RAB5B: variants seen among roughly 807,000 people sequenced by gnomAD.
The protein encoded by RAB5B is RAB5B, member RAS oncogene family, also known as ras-related protein Rab-5B.
RAB5B carries 11 observed loss-of-function variants against 28.6 expected under a neutral mutation model. The ratio of observed to expected loss-of-function variants is 0.38; its 90% CI spans 0.24 to 0.64. The LOEUF (loss-of-function observed/expected upper bound fraction) is 0.64. RAB5B is among the 30% of genes least tolerant of loss of function. RAB5B has a pLI of 0.53. For synonymous variants in RAB5B, 93 were observed against 97.9 expected (o/e 0.95, Z 0.29); for missense variants, 169 against 265.6 (o/e 0.64, Z 2.53).
chr12:55,980,881 A>G, intron 1 of RAB5B: 1 of 1,611,834 alleles, frequency 6.2e-7, no homozygotes. Flanking sequence ...TCCCCTCTAT[A>G]TCCACAGTGC....
chr12:55,975,526 A>T (rs1889620600), intron 1 of RAB5B, among the ~76,000 whole-genome samples: 1 of 151,792 alleles, frequency 6.6e-6, no homozygotes, highest in African/African-American at 2.4e-5. Flanking sequence ...AGACAGGAGG[A>T]TCACTTGAGC....
chr12:55,989,140 C>T (rs969338927), intron 2 of RAB5B, among the ~76,000 whole-genome samples: 3 of 151,584 alleles, frequency 2.0e-5, no homozygotes, highest in Non-Finnish European at 2.9e-5. Flanking sequence ...CGGGGTTTCA[C>T]TATGTTGGCC....
intron 1 of RAB5B, chr12:55,979,468 G>T (rs1889738809): frequency 6.6e-6 from 1 of 152,130 alleles, no homozygotes; most frequent in African/African-American, 2.4e-5. Context: ...TGGAGAGGGA[G>T]ATGAAGGTAT....
In RAB5B at chr12:55,993,587, A is replaced by G. The variant is rs1890200979; in HGVS notation, c.*1375A>G. 1 of 152,588 alleles carries G rather than the reference A, an allele frequency of 6.6e-6. No homozygotes were observed. The highest frequency in any genetic ancestry group is 2.4e-5 in the African/African-American group (1 of 41,430). 9.5% of individuals were successfully genotyped at this position (152,588 alleles called of 1,614,324 possible). On this transcript the variant is annotated 3_prime_UTR_variant, in exon 6 of 6. Coordinates refer to ENST00000360299, the MANE Select transcript of RAB5B (RefSeq NM_002868.4). ...CTTTTCTACTTCCTTGTAAATAGGTATGATCTTTATTCCCACTGTACAGTC... is the reference window on the plus strand; with the variant it reads ...CTTTTCTACTTCCTTGTAAATAGGTGTGATCTTTATTCCCACTGTACAGTC...
At position 55,975,723 on chromosome 12, in the gene RAB5B, T is replaced by C. The variant is rs559004356; in HGVS notation, c.-93+1584T>C. Among the ~76,000 whole-genome samples, 12 of 152,154 alleles carry C rather than the reference T, an allele frequency of 7.9e-5. No individual in the cohort carries two copies. In the South Asian group the frequency reaches 2.3e-3, roughly 29 times the overall value. The stretch of plus-strand genomic sequence containing the variant: ...TTAGTCCCTCATAGATTGGAGCCTA[T>C]TGGATTTTCCCTTACTGTACTTCCT... On this transcript the variant is annotated intron_variant, in intron 1 of 5. Coordinates refer to ENST00000360299, the MANE Select transcript of RAB5B (RefSeq NM_002868.4).
intron 1 of RAB5B, among the ~76,000 whole-genome samples, chr12:55,975,652 T>A (rs912441589): frequency 6.6e-6 from 1 of 151,246 alleles, no homozygotes; most frequent in Non-Finnish European, 1.5e-5. Flanking sequence ...AGCAGAGGAG[T>A]GGAGTACCCT....
At chr12:55,985,618 T>G (rs1340620852) in intron 1 of RAB5B, 1 of 444,378 alleles carries the variant, frequency 2.3e-6, no homozygotes, top group African/African-American at 2.0e-5. Flanking sequence ...TTAGCCCTCT[T>G]AGAAGATAGA....
rs1890304637 is a variant in RAB5B at position 55,996,256 on chromosome 12, CT to C, written c.*4046del. ...ATCTTTCAAAATTAAAGGTGAACAC[CT>C]TCACTTAAACTGATTAAAATTGCAG... On this transcript the variant is annotated 3_prime_UTR_variant, in exon 6 of 6. Coordinates refer to ENST00000360299, the MANE Select transcript of RAB5B (RefSeq NM_002868.4). The C allele has an allele frequency of 6.6e-6, 1 of 151,850 alleles. No individual in the cohort carries two copies. Among genetic ancestry groups the C allele is most frequent in the Admixed American group, 6.6e-5 (1 of 15,224 alleles). The allele number at this position is 151,850 out of a possible 1,614,324, so 9.4% of individuals were successfully genotyped here.
chr12:55,992,012 T>G, intron 5 of RAB5B, 85 bp from the exon 6 acceptor site: 1 of 945,508 alleles, frequency 1.1e-6, no homozygotes, highest in East Asian at 2.5e-5. Context: ...TTTCCCCAAT[T>G]CAGTAGCCGT....
chr12:55,983,338 C>T (rs1889861638), intron 1 of RAB5B, among the ~76,000 whole-genome samples: 1 of 152,068 alleles, frequency 6.6e-6, no homozygotes, highest in African/African-American at 2.4e-5. Flanking sequence ...GTGAGACTCT[C>T]TCTAAAAATG....
intron 2 of RAB5B, 107 bp from the exon 3 acceptor site, chr12:55,989,840 G>A: frequency 1.5e-6 from 2 of 1,304,076 alleles, no homozygotes; most frequent in South Asian, 1.2e-5. Flanking sequence ...ACTATCCTGG[G>A]TGGTGACTGG....
At chr12:55,983,654 C>CT (rs34363943) in intron 1 of RAB5B, among the ~76,000 whole-genome samples, 1,983 of 121,666 alleles carry the variant, frequency 0.016, 64 homozygotes, top group African/African-American at 0.054. Context: ...GTTATGTCTC[C>CT]TTTTTTTTTT....
intron 1 of RAB5B, among the ~76,000 whole-genome samples, chr12:55,981,906 A>G (rs558881060): frequency 1.3e-5 from 2 of 151,748 alleles, no homozygotes; most frequent in African/African-American, 4.8e-5. Context: ...GGTTCAAGCA[A>G]TTCTCCTGCT....
At chr12:55,978,290 G>A (rs1592792988) in intron 1 of RAB5B, among the ~76,000 whole-genome samples, 2 of 152,280 alleles carry the variant, frequency 1.3e-5, no homozygotes, top group African/African-American at 4.8e-5. Context: ...ACGAGGTCAG[G>A]AGATTGAGAC....
chr12:55,992,262 A>G lies in RAB5B; in HGVS notation c.*50A>G, dbSNP rs1890154717. ...ATGGAGCTAGCACAAGAGCTAAGAA[A>G]TAACCTCCATCCCTACCCCTCAGCA... On this transcript the variant is annotated 3_prime_UTR_variant, in exon 6 of 6. Coordinates refer to ENST00000360299, the MANE Select transcript of RAB5B (RefSeq NM_002868.4). 6.9e-7 allele frequency: 1 copy of G among 1,458,898 alleles called. No homozygotes were observed. Among genetic ancestry groups the G allele is most frequent in the Non-Finnish European group, 9.6e-7 (1 of 1,043,684 alleles). The allele number at this position is 1,458,898 out of a possible 1,614,324, so 90.4% of individuals were successfully genotyped here. A position where few individuals can be genotyped will look rare whatever the true frequency, so the allele number is the denominator to read the frequency against.
rs1424561322 is a variant in RAB5B at position 55,980,594 on chromosome 12, A to G, written c.-92-6275A>G. 3 of 1,598,846 alleles carry G rather than the reference A, an allele frequency of 1.9e-6. No individual in the cohort carries two copies. In the African/African-American group the frequency reaches 4.0e-5, roughly 21 times the overall value. ...ACTGGATTTAGCACTAGTTTCGAAAAATCGGATTCCATGCTCTCGAGCCAA... is the reference window on the plus strand; with the variant it reads ...ACTGGATTTAGCACTAGTTTCGAAAGATCGGATTCCATGCTCTCGAGCCAA... On this transcript the variant is annotated intron_variant, in intron 1 of 5. Coordinates refer to ENST00000360299, the MANE Select transcript of RAB5B (RefSeq NM_002868.4).
chr12:55,980,769 C>G, intron 1 of RAB5B: 2 of 1,578,614 alleles, frequency 1.3e-6, no homozygotes, highest in South Asian at 1.1e-5. Context: ...TCCGTGATGT[C>G]GTATGCTAGG....
rs879055271 is a variant in RAB5B at position 55,992,492 on chromosome 12, G to A, written c.*280G>A. 2.7e-5 allele frequency: 16 copies of A among 595,900 alleles called. No individual in the cohort carries two copies. The highest frequency in any genetic ancestry group is 4.6e-5 in the South Asian group (3 of 65,746). 36.9% of individuals were successfully genotyped at this position (595,900 alleles called of 1,614,324 possible). A position where few individuals can be genotyped will look rare whatever the true frequency, so the allele number is the denominator to read the frequency against. On this transcript the variant is annotated 3_prime_UTR_variant, in exon 6 of 6. Transcript: ENST00000360299. ...AAACTTTCTTCACTTTGTATTATAG[G>A]TACAAGACAGCGACTTACGTATCTT...
At chr12:55,986,016 A>C (rs559065105) in intron 1 of RAB5B, among the ~76,000 whole-genome samples, 3 of 152,300 alleles carry the variant, frequency 2.0e-5, no homozygotes, top group Middle Eastern at 3.4e-3. Context: ...CCCTGGTTAG[A>C]TCTTTAGAAA....
Sources: gnomAD v4.1 joint callset for allele counts (sites outside exome capture counted in the v4.1 genomes callset) on GRCh38, gnomAD v4.1.1 for gene constraint, MANE v1.5 for transcripts, NCBI Gene and HGNC (gene_info 2026-07-23, HGNC 2026-07-21) for gene names.